The following TFEC variants were observed in gnomAD, a reference collection of about 807,000 sequenced individuals.
The protein encoded by TFEC is transcription factor EC, also known as class E basic helix-loop-helix protein 34.
TFEC carries 31 observed loss-of-function variants against 41.6 expected under a neutral mutation model. That is an observed-to-expected ratio of 0.74 (90% CI 0.56 to 1.01). The LOEUF (loss-of-function observed/expected upper bound fraction) is 1.01, where lower values mean the gene tolerates loss of function less well. Among genes scored for constraint, TFEC ranks in the 50% least tolerant of loss-of-function variants. TFEC has a pLI of 0.00. For missense variants in TFEC, 402 were observed against 404.1 expected, an observed-to-expected ratio of 0.99 and a Z score of 0.04; for synonymous variants, 143 against 140.6, an observed-to-expected ratio of 1.02 and a Z score of -0.12.
chr7:116,004,006 G>A (rs1794696106), intron 1 of TFEC, among the ~76,000 whole-genome samples: 1 of 151,982 alleles, frequency 6.6e-6, no homozygotes, highest in African/African-American at 2.4e-5. Flanking sequence ...AAAAATTAAT[G>A]GCATTTTATG....
intron 1 of TFEC, among the ~76,000 whole-genome samples, chr7:116,114,913 A>T (rs1797945436): frequency 6.7e-6 from 1 of 150,212 alleles, no homozygotes. Flanking sequence ...CCCCCCAGTA[A>T]TGGGGAGAGA....
chr7:116,027,476 G>C (rs946085896), intron 1 of TFEC, among the ~76,000 whole-genome samples: 11 of 152,082 alleles, frequency 7.2e-5, no homozygotes, highest in Admixed American at 7.2e-4. Context: ...CATGCCTGTA[G>C]TACCAGCTAC....
chr7:116,039,378 G>C (rs1353940284), intron 3 of TFEC, among the ~76,000 whole-genome samples: 3 of 150,986 alleles, frequency 2.0e-5, no homozygotes, highest in African/African-American at 7.3e-5. Flanking sequence ...TAATAACTTT[G>C]ATAACCATGA....
intron 3 of TFEC, among the ~76,000 whole-genome samples, chr7:116,099,193 A>G (rs528057978): frequency 1.1e-4 from 17 of 152,348 alleles, no homozygotes; most frequent in East Asian, 3.9e-4. Flanking sequence ...AAAAATATGT[A>G]GAGAGAAAAA....
intron 2 of TFEC, among the ~76,000 whole-genome samples, chr7:115,981,889 C>A (rs1385294683): frequency 1.3e-5 from 2 of 152,046 alleles, no homozygotes; most frequent in African/African-American, 4.8e-5. Flanking sequence ...GTGGTAAACC[C>A]ATAGAGCTGA....
At chr7:115,943,272 G>T (rs1480420342) in intron 6 of TFEC, among the ~76,000 whole-genome samples, 1 of 151,854 alleles carries the variant, frequency 6.6e-6, no homozygotes, top group Non-Finnish European at 1.5e-5. Flanking sequence ...GGTGGGGAGA[G>T]ACAGTCTATC....
intron 3 of TFEC, among the ~76,000 whole-genome samples, chr7:116,036,730 T>C (rs186945186): frequency 6.6e-6 from 1 of 152,126 alleles, no homozygotes; most frequent in African/African-American, 2.4e-5. Flanking sequence ...TAAAGATAAA[T>C]TACCCATGGT....
In TFEC at chr7:115,984,396, G is replaced by A; in HGVS notation, c.46C>T (p.Gln16Ter). 1 of 1,614,134 alleles carries A rather than the reference G, an allele frequency of 6.2e-7. No individual in the cohort carries two copies. The highest frequency in any genetic ancestry group is 8.5e-7 in the Non-Finnish European group (1 of 1,179,992). Residue 16 changes from glutamine to a stop codon, truncating the protein, a stop_gained, in exon 2 of 8, where the codon CAA becomes TAA. Transcript: ENST00000265440. LOFTEE classifies it high-confidence loss of function. ...QIINPTLKWS[Q>*]PAVPSGGPLV... Reference sequence around the variant, plus strand: ...GGCCCACCACTTGGCACTGCAGGTTGTGACCATTTAAGAGTTGGATTGATG... The same window carrying A: ...GGCCCACCACTTGGCACTGCAGGTTATGACCATTTAAGAGTTGGATTGATG...
intron 6 of TFEC, among the ~76,000 whole-genome samples, chr7:115,947,690 ATG>A (rs1264920714): frequency 3.3e-5 from 5 of 150,684 alleles, no homozygotes; most frequent in Non-Finnish European, 7.4e-5. Flanking sequence ...GCATTTTTTC[ATG>A]TGTTTTTTGG....
intron 1 of TFEC, among the ~76,000 whole-genome samples, chr7:116,141,563 T>A (rs1248056770): frequency 1.3e-5 from 2 of 152,168 alleles, no homozygotes; most frequent in African/African-American, 4.8e-5. Context: ...TGTTTTGTTT[T>A]TTCTTCTCAG....
rs570289716 is a variant in TFEC at position 115,993,869 on chromosome 7, T to C, written c.-72-9356A>G. 5.9e-5 allele frequency among the ~76,000 whole-genome samples: 9 copies of C among 152,314 alleles called. No homozygotes were observed. The East Asian group carries it at 1.4e-3, about 23-fold the overall frequency. Reference sequence around the variant, plus strand: ...GCAAAAAACTACTTTAAAATTCATATGGAACCAGAAAAGAGCCCACACTGC... The same window carrying C: ...GCAAAAAACTACTTTAAAATTCATACGGAACCAGAAAAGAGCCCACACTGC... On this transcript the variant is annotated intron_variant, in intron 1 of 7. Coordinates refer to ENST00000265440, the MANE Select transcript of TFEC (RefSeq NM_012252.4).
intron 1 of TFEC, among the ~76,000 whole-genome samples, chr7:116,133,875 A>G (rs1353117903): frequency 6.6e-6 from 1 of 152,214 alleles, no homozygotes; most frequent in Non-Finnish European, 1.5e-5. Context: ...CTATTGAATT[A>G]GTTAAGCAGG....
intron 3 of TFEC, among the ~76,000 whole-genome samples, chr7:115,965,232 G>A (rs369690681): frequency 4.0e-5 from 6 of 151,454 alleles, no homozygotes; most frequent in Admixed American, 1.3e-4. Flanking sequence ...ATTCTACCAC[G>A]GTAATAGCTT....
At chr7:115,997,304 G>T (rs1287936430) in intron 1 of TFEC, among the ~76,000 whole-genome samples, 1 of 152,168 alleles carries the variant, frequency 6.6e-6, no homozygotes, top group Non-Finnish European at 1.5e-5. Flanking sequence ...AGACAACACA[G>T]AGAATTCTTC....
At chr7:116,089,875 G>A (rs1408479844) in intron 3 of TFEC, among the ~76,000 whole-genome samples, 2 of 152,056 alleles carry the variant, frequency 1.3e-5, no homozygotes, top group Non-Finnish European at 1.5e-5. Context: ...TTTTTTCTCT[G>A]TCCATCTAGC....
chr7:115,990,112 C>T (rs913977243), intron 1 of TFEC, among the ~76,000 whole-genome samples: 20 of 152,184 alleles, frequency 1.3e-4, no homozygotes, highest in Admixed American at 5.9e-4. Flanking sequence ...CCAAGGAAAA[C>T]GGTGTCTGGA....
In TFEC at chr7:115,992,630, T is replaced by C. The variant is rs1386002158; in HGVS notation, c.-72-8117A>G. Among the ~76,000 whole-genome samples, 3 of 152,126 alleles carry C rather than the reference T, an allele frequency of 2.0e-5. No individual in the cohort carries two copies. The East Asian group carries it at 5.8e-4, about 29-fold the overall frequency. The stretch of plus-strand genomic sequence containing the variant: ...AGAAATGGATAAATTCCTGGATACA[T>C]ACAACCTCCCAAGACTAAACCAGGA... On this transcript the variant is annotated intron_variant, in intron 1 of 7. Transcript: ENST00000265440.
intron 3 of TFEC, among the ~76,000 whole-genome samples, chr7:116,045,790 T>A (rs1381260547): frequency 6.6e-6 from 1 of 152,158 alleles, no homozygotes. Context: ...AGACACTCAA[T>A]GCCAGCCGGT....
intron 1 of TFEC, among the ~76,000 whole-genome samples, chr7:116,014,260 T>G (rs548819116): frequency 2.0e-5 from 3 of 152,256 alleles, no homozygotes; most frequent in Admixed American, 1.3e-4. Context: ...TTTTGAGAGA[T>G]AATTTTAAGA....
Sources: allele counts gnomAD v4.1 joint callset (sites outside exome capture counted in the v4.1 genomes callset), GRCh38; gene constraint gnomAD v4.1.1; transcripts MANE v1.5; gene names NCBI Gene and HGNC (gene_info 2026-07-23, HGNC 2026-07-21).